FBN3: variants seen among roughly 807,000 people sequenced by gnomAD.
FBN3 encodes fibrillin 3, also known as fibrillin-3.
A neutral mutation model predicts 330.1 loss-of-function variants in FBN3; 234 were observed. The ratio of observed to expected loss-of-function variants is 0.71; its 90% confidence interval spans 0.64 to 0.79. The LOEUF (loss-of-function observed/expected upper bound fraction) is 0.79. FBN3 is among the 30% of genes least tolerant of loss of function. FBN3 has a pLI of 0.00. For missense variants in FBN3, 3,606 were observed against 3,886.9 expected, an observed-to-expected ratio of 0.93 and a Z score of 1.92; for synonymous variants, 1,458 against 1,517.3, an observed-to-expected ratio of 0.96 and a Z score of 0.91.
At chr19:8,132,390 A>G (rs1316743247) in intron 14 of FBN3, among the ~76,000 whole-genome samples, 1 of 151,638 alleles carries the variant, frequency 6.6e-6, no homozygotes. Flanking sequence ...TATGTTGCTC[A>G]GGCTGGTCTC....
Position 8,072,127 on chromosome 19 carries a change from G to T in FBN3, c.8009C>A (p.Ser2670Tyr). Residue 2670 changes from serine to tyrosine, a missense_variant, in exon 63 of 64, where the codon TCT becomes TAT. Physicochemically the swap from Ser to Tyr is moderately radical, Grantham distance 144. Coordinates refer to ENST00000600128, the MANE Select transcript of FBN3 (RefSeq NM_032447.5). ...GATCTTGCATTCGTAGCAGGCTTCAGACGAGAGCAGCTCCTCTTTGTCCGG... is the reference window on the plus strand; with the variant it reads ...GATCTTGCATTCGTAGCAGGCTTCATACGAGAGCAGCTCCTCTTTGTCCGG... The part of the protein sequence containing the change: ...DTPDKEELLS[S>Y]EACYECKING... The T allele has an allele frequency of 6.2e-7, 1 of 1,609,940 alleles. No homozygotes were observed. The highest frequency in any genetic ancestry group is 8.5e-7 in the Non-Finnish European group (1 of 1,178,492).
At position 8,111,129 on chromosome 19, in the gene FBN3, T is replaced by A. The variant is rs765609354; in HGVS notation, c.4139A>T (p.Asn1380Ile). 1 of 1,613,098 alleles carries A rather than the reference T, an allele frequency of 6.2e-7. No homozygotes were observed. The highest frequency in any genetic ancestry group is 1.3e-5 in the African/African-American group (1 of 74,886). The change falls in exon 33 of 64, where the codon AAT (asparagine) becomes ATT (isoleucine). Residue 1380 changes from asparagine (N) to isoleucine (I), a missense_variant. Physicochemically the swap from Asn to Ile is moderately radical, Grantham distance 149. Coordinates refer to ENST00000600128, the MANE Select transcript of FBN3 (RefSeq NM_032447.5). ...VDLCDNGQCL[N>I]APGGYRCECE... Reference sequence around the variant, plus strand: ...TTCACAGCGGTACCCGCCGGGCGCATTGAGGCACTGCCCGTTGTCACAGAG... The same window carrying A: ...TTCACAGCGGTACCCGCCGGGCGCAATGAGGCACTGCCCGTTGTCACAGAG...
chr19:8,145,252 T>C (rs568222387), intron 5 of FBN3, among the ~76,000 whole-genome samples: 1 of 151,818 alleles, frequency 6.6e-6, no homozygotes, highest in South Asian at 2.1e-4. Flanking sequence ...CCGGCTCTTT[T>C]AATCCCAGCT....
intron 40 of FBN3, among the ~76,000 whole-genome samples, chr19:8,101,500 C>A (rs1191841849): frequency 6.6e-6 from 1 of 152,164 alleles, no homozygotes; most frequent in Non-Finnish European, 1.5e-5. Flanking sequence ...TCCTGCTGTG[C>A]CCCTGCCTAG....
chr19:8,072,224 G>T, intron 62 of FBN3, 26 bp from the exon 63 acceptor site: 1 of 1,493,698 alleles, frequency 6.7e-7, no homozygotes, highest in African/African-American at 1.4e-5. Flanking sequence ...CAGGGTGGAG[G>T]GGTTTCAGAG....
chr19:8,085,304 C>T, intron 56 of FBN3, 59 bp downstream of exon 56: 1 of 1,445,916 alleles, frequency 6.9e-7, no homozygotes, highest in Non-Finnish European at 9.4e-7. Flanking sequence ...GACACATGAC[C>T]CTGAGCAAAC....
At chr19:8,079,585 GTTAATTGT>G (rs2144610466) in intron 59 of FBN3, among the ~76,000 whole-genome samples, 1 of 107,974 alleles carries the variant, frequency 9.3e-6, no homozygotes, top group South Asian at 2.5e-4. Context: ...ACACTATTCT[GTTAATTGT>G]TTGTTTGTTT....
chr19:8,146,152 C>T lies in FBN3; in HGVS notation c.324G>A (p.Leu108=). 1 of 1,600,644 alleles carries T rather than the reference C, an allele frequency of 6.2e-7. No individual in the cohort carries two copies. Among genetic ancestry groups the T allele is most frequent in the Non-Finnish European group, 8.5e-7 (1 of 1,175,018 alleles). ...CTCGGCTCACCCCGCAGCTGGGAGC[C>T]AGCGTCCCATCCGCACAGGTGCACA... is the stretch of plus-strand genomic sequence containing the variant. ...PNLCTCADGT[L]APSCGVSRGS... Residue 108 remains leucine, a synonymous_variant, in exon 4 of 64, where the codon CTG becomes CTA. Transcript: ENST00000600128.
At chr19:8,069,699 C>A (rs2081471658) in intron 63 of FBN3, among the ~76,000 whole-genome samples, 1 of 152,186 alleles carries the variant, frequency 6.6e-6, no homozygotes, top group South Asian at 2.1e-4. Context: ...AATCCTCCCG[C>A]CTCAGCCTCC....
intron 13 of FBN3, 25 bp downstream of exon 13, chr19:8,135,936 G>GGGGGGGGGGGGGGGGCGGGCCCCCCC: frequency 1.5e-6 from 1 of 668,776 alleles, no homozygotes. Flanking sequence ...GGAAGCCCCT[G>GGGGGGGGGGGGGGGGCGGGCCCCCCC]CCCACCCGCC....
intron 34 of FBN3, among the ~76,000 whole-genome samples, chr19:8,110,581 C>A (rs1276723619): frequency 1.3e-5 from 2 of 152,204 alleles, no homozygotes; most frequent in Non-Finnish European, 2.9e-5. Flanking sequence ...AAATATTTAC[C>A]ACCTGCCCAT....
chr19:8,086,534 A>G (rs8105886), intron 54 of FBN3, among the ~76,000 whole-genome samples: 141,043 of 149,142 alleles, frequency 0.95, 66,746 homozygotes, highest in African/African-American at 0.96. Flanking sequence ...TTGGGTCACT[A>G]CAACGTCCAC....
At chr19:8,132,170 C>T (rs945427755) in intron 14 of FBN3, among the ~76,000 whole-genome samples, 8 of 152,158 alleles carry the variant, frequency 5.3e-5, no homozygotes, top group African/African-American at 1.4e-4. Context: ...CTCAGCCTCC[C>T]GAGTAGGAGG....
chr19:8,071,392 G>T lies in FBN3; in HGVS notation c.8088+656C>A, dbSNP rs537186348. ...CTCCAGGAGCACCTCAGGCACAAGA[G>T]GGGTACAGGGCAGATGCTGAGTGGG... On this transcript the variant is annotated intron_variant, in intron 63 of 63. Transcript: ENST00000600128. 5.3e-5 allele frequency among the ~76,000 whole-genome samples: 8 copies of T among 152,326 alleles called. No individual in the cohort carries two copies. The East Asian group carries it at 1.4e-3, about 26-fold the overall frequency.
At position 8,086,446 on chromosome 19, in the gene FBN3, T is replaced by TA. The variant is rs1281882573; in HGVS notation, c.6755-122_6755-121insT. 1,247 of 345,134 alleles carry TA rather than the reference T, an allele frequency of 3.6e-3. 17 individuals carry two copies. Among genetic ancestry groups the TA allele is most frequent in the African/African-American group, 0.033 (1,169 of 35,044 alleles). 21.4% of individuals were successfully genotyped at this position (345,134 alleles called of 1,614,324 possible). A position where few individuals can be genotyped will look rare whatever the true frequency, so the allele number is the denominator to read the frequency against. ...TCTTGCTTATTTTTATTTTATTTAT[T>TA]TTTATTATTATTATTATTATTATTT... On this transcript the variant is annotated intron_variant, in intron 54 of 63. Coordinates refer to ENST00000600128, the MANE Select transcript of FBN3 (RefSeq NM_032447.5).
At position 8,085,442 on chromosome 19, in the gene FBN3, G is replaced by A. The variant is rs568770564; in HGVS notation, c.7008C>T (p.Cys2336=). ...CGGGRGWGPR[C]ELCPLPGTSA... ...AGGTGCCGGGCAGGGGACAGAGCTCGCAGCGGGGCCCCCAGCCCCGGCCAC... is the reference window on the plus strand; with the variant it reads ...AGGTGCCGGGCAGGGGACAGAGCTCACAGCGGGGCCCCCAGCCCCGGCCAC... Residue 2336 remains cysteine, a synonymous_variant, in exon 56 of 64, where the codon TGC becomes TGT. Transcript: ENST00000600128. 27 of 1,577,568 alleles carry A rather than the reference G, an allele frequency of 1.7e-5. No individual in the cohort carries two copies. The highest frequency in any genetic ancestry group is 1.3e-4 in the South Asian group (11 of 86,422).
rs971493501 is a variant in FBN3, at chr19:8,103,545, G to A, written c.4939+17C>T. ...GCTTCTGTGACTGCCAGTTCCCTAG[G>A]TCATCACGCTTCTTACCCATGCAGT... On this transcript the variant is annotated intron_variant, in intron 39 of 63. Transcript: ENST00000600128. 1.2e-6 allele frequency: 2 copies of A among 1,610,376 alleles called. No homozygotes were observed. The highest frequency in any genetic ancestry group is 1.7e-6 in the Non-Finnish European group (2 of 1,178,020).
At position 8,078,791 on chromosome 19, in the gene FBN3, C is replaced by CTCT. The variant is rs1555725585; in HGVS notation, c.7453+2211_7453+2212insAGA. ...TTGTTCAAATGTTCTCTCTCTCTCTCTTTTTTTTTTTTTTGAGTCTTGCTC... is the reference window on the plus strand; with the variant it reads ...TTGTTCAAATGTTCTCTCTCTCTCTCTCTTTTTTTTTTTTTTTGAGTCTTGCTC... On this transcript the variant is annotated intron_variant, in intron 59 of 63. Transcript: ENST00000600128. Among the ~76,000 whole-genome samples, 1,381 of 141,266 alleles carry CTCT rather than the reference C, an allele frequency of 9.8e-3. 13 individuals are homozygous for CTCT. Among genetic ancestry groups the CTCT allele is most frequent in the South Asian group, 0.037 (163 of 4,418 alleles). The allele number at this position is 141,266 out of a possible 152,430, so 92.7% of individuals were successfully genotyped here.
At chr19:8,141,894 C>T (rs1454052828) in intron 7 of FBN3, 46 bp downstream of exon 7, 2 of 1,612,312 alleles carry the variant, frequency 1.2e-6, no homozygotes, top group African/African-American at 1.3e-5. Context: ...GAGGGAAGAA[C>T]CAAGGCAGCT....
Sources: allele counts gnomAD v4.1 joint callset (sites outside exome capture counted in the v4.1 genomes callset), GRCh38; gene constraint gnomAD v4.1.1; transcripts MANE v1.5; gene names NCBI Gene and HGNC (gene_info 2026-07-23, HGNC 2026-07-21).